The following STAT4 variants were observed in gnomAD, a reference collection of about 807,000 sequenced individuals.
STAT4 encodes signal transducer and activator of transcription 4.
In STAT4, 42 loss-of-function variants were observed where a neutral mutation model predicts 110.5. The ratio of observed to expected loss-of-function variants is 0.38; its 90% CI spans 0.30 to 0.49. The LOEUF (loss-of-function observed/expected upper bound fraction) is 0.49. STAT4 is among the 20% of genes least tolerant of loss of function. The pLI is 0.95. For missense variants in STAT4, 632 were observed against 887.9 expected (o/e 0.71, Z 3.66); for synonymous variants, 284 against 302.2 (o/e 0.94, Z 0.63).
intron 14 of STAT4, among the ~76,000 whole-genome samples, chr2:191,049,455 C>T (rs185284825): frequency 1.3e-4 from 20 of 152,184 alleles, no homozygotes; most frequent in African/African-American, 4.6e-4. Context: ...GGATTACAGG[C>T]GTGAGCCACC....
At chr2:191,063,664 A>G in intron 8 of STAT4, among the ~76,000 whole-genome samples, 1 of 152,220 alleles carries the variant, frequency 6.6e-6, no homozygotes, top group East Asian at 1.9e-4. Flanking sequence ...AGTATTCCAC[A>G]TATAAGACTA....
At position 191,029,807 on chromosome 2, in the gene STAT4, G is replaced by A; in HGVS notation, c.*33C>T. The A allele has an allele frequency of 6.3e-7, 1 of 1,589,852 alleles. No homozygotes were observed. The highest frequency in any genetic ancestry group is 2.2e-5 in the East Asian group (1 of 44,504). On this transcript the variant is annotated 3_prime_UTR_variant, in exon 24 of 24. Transcript: ENST00000392320. This position sits in a 1 kb window ranked among gnomAD's most constrained non-coding sequence, Gnocchi z 4.5. ...GAACAGTCTTTAAACTTTTTCATTTGCTTCCTTTCTTGGTGCGTCAGAGTT... is the reference window on the plus strand; with the variant it reads ...GAACAGTCTTTAAACTTTTTCATTTACTTCCTTTCTTGGTGCGTCAGAGTT...
rs56668168 is a variant in STAT4, at chr2:191,086,635, GATTCTAGCCTTGTCT to G, written c.274-10325_274-10311del. Among the ~76,000 whole-genome samples, 42,773 of 151,962 alleles carry G rather than the reference GATTCTAGCCTTGTCT, an allele frequency of 0.28. 9,021 individuals carry two copies. Among genetic ancestry groups the G allele is most frequent in the African/African-American group, 0.6 (24,791 of 41,374 alleles). On this transcript the variant is annotated intron_variant, in intron 3 of 23. Transcript: ENST00000392320. This position sits in a 1 kb window ranked among gnomAD's most constrained non-coding sequence, Gnocchi z 5.5. The stretch of plus-strand genomic sequence containing the variant: ...AGAAACTGTAGTATACTTGTTATCA[GATTCTAGCCTTGTCT>G]ATTCTTTTTCAGTTTTTAGTATTTG...
At position 191,082,569 on chromosome 2, in the gene STAT4, G is replaced by A. The variant is rs1222156087; in HGVS notation, c.274-6244C>T. ...ATGCATTCTATTTCAGAGATTTAAA[G>A]ATGTTAAAATGTGGAGAACAGTGTC... On this transcript the variant is annotated intron_variant, in intron 3 of 23. Coordinates refer to ENST00000392320, the MANE Select transcript of STAT4 (RefSeq NM_003151.4). This position sits in a 1 kb window ranked among gnomAD's most constrained non-coding sequence, Gnocchi z 4.7. Among the ~76,000 whole-genome samples the A allele has an allele frequency of 6.6e-6, 1 of 152,198 alleles. No homozygotes were observed. Among genetic ancestry groups the A allele is most frequent in the Non-Finnish European group, 1.5e-5 (1 of 68,032 alleles).
At position 191,090,686 on chromosome 2, in the gene STAT4, G is replaced by A. The variant is rs758139041; in HGVS notation, c.274-14361C>T. ...TGCCATTCTCCTGCCTCAGCCTCCC[G>A]AGCAGCTGGGACTAGAGGCACCCGC... On this transcript the variant is annotated intron_variant, in intron 3 of 23. Coordinates refer to ENST00000392320, the MANE Select transcript of STAT4 (RefSeq NM_003151.4). The surrounding 1 kb of genome is among the most constrained non-coding windows in gnomAD (Gnocchi z 4.2). Among the ~76,000 whole-genome samples, 12 of 151,974 alleles carry A rather than the reference G, an allele frequency of 7.9e-5. No individual in the cohort carries two copies. Among genetic ancestry groups the A allele is most frequent in the Non-Finnish European group, 1.8e-4 (12 of 67,990 alleles).
chr2:191,070,717 T>C (rs926678607), intron 5 of STAT4, among the ~76,000 whole-genome samples: 23 of 152,336 alleles, frequency 1.5e-4, no homozygotes, highest in African/African-American at 5.1e-4. Flanking sequence ...TTAATCCAAA[T>C]TTTAAATGAT....
chr2:191,095,839 T>C (rs1190617388), intron 3 of STAT4, among the ~76,000 whole-genome samples: 1 of 152,084 alleles, frequency 6.6e-6, no homozygotes, highest in East Asian at 1.9e-4. Context: ...AGCTGGTTTT[T>C]TGAAAAGATC....
chr2:191,034,422 CAAAA>C (rs375344996), intron 18 of STAT4, 122 bp downstream of exon 18: 484 of 510,542 alleles, frequency 9.5e-4, no homozygotes, highest in Non-Finnish European at 1.0e-3. Flanking sequence ...GACTCTATCT[CAAAA>C]AAAAAAAAAA....
chr2:191,043,751 C>T lies in STAT4; in HGVS notation c.1252-2603G>A, dbSNP rs1696272682. Among the ~76,000 whole-genome samples the T allele has an allele frequency of 6.6e-6, 1 of 152,160 alleles. No homozygotes were observed. Among genetic ancestry groups the T allele is most frequent in the East Asian group, 1.9e-4 (1 of 5,188 alleles). On this transcript the variant is annotated intron_variant, in intron 14 of 23. Coordinates refer to ENST00000392320, the MANE Select transcript of STAT4 (RefSeq NM_003151.4). The surrounding 1 kb of genome is among the most constrained non-coding windows in gnomAD (Gnocchi z 4.8). ...TATATTTATAGAGCAAAAAACTATA[C>T]AGCGTTGGAATAAATGATCCACAGC...
rs891097711 is a variant in STAT4, at chr2:191,140,039, T to C, written c.273+6574A>G. Among the ~76,000 whole-genome samples the C allele has an allele frequency of 6.6e-6, 1 of 152,174 alleles. No individual in the cohort carries two copies. Among genetic ancestry groups the C allele is most frequent in the African/African-American group, 2.4e-5 (1 of 41,438 alleles). On this transcript the variant is annotated intron_variant, in intron 3 of 23. Transcript: ENST00000392320. This position sits in a 1 kb window ranked among gnomAD's most constrained non-coding sequence, Gnocchi z 4.4. ...TATTCAATATATGGGCTGGGAAAAC[T>C]GGCAAGCCACATGTAGAAGAATGAA...
At chr2:191,132,755 C>CT (rs56028616) in intron 3 of STAT4, among the ~76,000 whole-genome samples, 6,148 of 135,316 alleles carry the variant, frequency 0.045, 434 homozygotes, top group African/African-American at 0.13. Flanking sequence ...TAATGGTTTT[C>CT]TTTTTTTTTT....
chr2:191,083,729 T>C lies in STAT4; in HGVS notation c.274-7404A>G, dbSNP rs945701359. The stretch of plus-strand genomic sequence containing the variant: ...TCTCCCTTTGCATCACAAATACTGC[T>C]GTTGAGTCATTTTTATCTTTATTCC... On this transcript the variant is annotated intron_variant, in intron 3 of 23. Transcript: ENST00000392320. This position sits in a 1 kb window ranked among gnomAD's most constrained non-coding sequence, Gnocchi z 4.6. 6.6e-6 allele frequency among the ~76,000 whole-genome samples: 1 copy of C among 152,192 alleles called. No individual in the cohort carries two copies. The highest frequency in any genetic ancestry group is 2.4e-5 in the African/African-American group (1 of 41,450).
rs1695993510 is a variant in STAT4, at chr2:191,034,567, G to T, written c.1601C>A (p.Thr534Asn). The change falls in exon 18 of 24, where the codon ACC (threonine) becomes AAC (asparagine). Residue 534 changes from threonine to asparagine, a missense_variant. Coordinates refer to ENST00000392320, the MANE Select transcript of STAT4 (RefSeq NM_003151.4). ...TTGTACCTTGCAGAACTTGGCCCAG[G>T]TGAGGTGACCATCACTGTAGCTAGA... is the stretch of plus-strand genomic sequence containing the variant. Reference protein sequence around the residue: ...VQSSYSDGHLTWAKFCKEHLP... With the variant: ...VQSSYSDGHLNWAKFCKEHLP... 6.2e-7 allele frequency: 1 copy of T among 1,613,776 alleles called. No homozygotes were observed. The highest frequency in any genetic ancestry group is 8.5e-7 in the Non-Finnish European group (1 of 1,179,716).
intron 3 of STAT4, among the ~76,000 whole-genome samples, chr2:191,115,874 G>A (rs1054759175): frequency 6.6e-6 from 1 of 152,172 alleles, no homozygotes; most frequent in Non-Finnish European, 1.5e-5. Flanking sequence ...AGGTGGAGAA[G>A]AGTCCAAAAA....
rs1467127517 is a variant in STAT4 at position 191,144,117 on chromosome 2, A to G, written c.273+2496T>C. On this transcript the variant is annotated intron_variant, in intron 3 of 23. Transcript: ENST00000392320. This position sits in a 1 kb window ranked among gnomAD's most constrained non-coding sequence, Gnocchi z 4.7. ...TGAATTCCTAGTGTGCACTAGAACC[A>G]TATTGAGTACTGAGGGTGAGGGAGG... Among the ~76,000 whole-genome samples, 1 of 152,158 alleles carries G rather than the reference A, an allele frequency of 6.6e-6. No individual in the cohort carries two copies. Among genetic ancestry groups the G allele is most frequent in the African/African-American group, 2.4e-5 (1 of 41,422 alleles).
rs777544013 is a variant in STAT4 at position 191,039,306 on chromosome 2, G to T, written c.1336-9C>A. ...ACAGGCAATGAGCTGGTCTGGTTTG[G>T]GGGGAAAAAAGCATAGTTATTACAG... On this transcript the variant is annotated splice_polypyrimidine_tract_variant and intron_variant, in intron 15 of 23. Transcript: ENST00000392320. The surrounding 1 kb of genome is among the most constrained non-coding windows in gnomAD (Gnocchi z 4.7). 11 of 1,613,418 alleles carry T rather than the reference G, an allele frequency of 6.8e-6. No homozygotes were observed. Among genetic ancestry groups the T allele is most frequent in the Non-Finnish European group, 9.3e-6 (11 of 1,179,408 alleles).
chr2:191,069,513 G>A (rs957078145), intron 6 of STAT4, among the ~76,000 whole-genome samples, 180 bp downstream of exon 6: 1 of 151,868 alleles, frequency 6.6e-6, no homozygotes, highest in African/African-American at 2.4e-5. Flanking sequence ...AGTTAAACAC[G>A]CACACACAGA....
At chr2:191,151,245 G>C (rs1475340852), upstream of STAT4, 1 of 985,482 alleles carries the variant, frequency 1.0e-6, no homozygotes, top group Non-Finnish European at 1.2e-6. This position sits in a 1 kb window ranked among gnomAD's most constrained non-coding sequence, Gnocchi z 4.7. Context: ...AGGTGGCTCA[G>C]CAGTGCCAGG....
At chr2:191,057,571 AATTTC>A (rs1696732777) in intron 13 of STAT4, among the ~76,000 whole-genome samples, 1 of 135,278 alleles carries the variant, frequency 7.4e-6, no homozygotes, top group East Asian at 2.1e-4. Context: ...CATGGTTCCT[AATTTC>A]TTTTCTTTTT....
Sources: allele counts gnomAD v4.1 joint callset (sites outside exome capture counted in the v4.1 genomes callset), GRCh38; gene constraint gnomAD v4.1.1; non-coding constraint Gnocchi (gnomAD v3.1); transcripts MANE v1.5; gene names NCBI Gene and HGNC (gene_info 2026-07-23, HGNC 2026-07-21).